Variants in ULK4 observed in about 807,000 individuals in gnomAD.
ULK4 encodes unc-51 like kinase 4.
A neutral mutation model predicts 160.6 loss-of-function variants in ULK4; 133 were observed. The observed-to-expected ratio is 0.83, with a 90% CI of 0.72 to 0.96. The LOEUF is 0.96. ULK4 is among the 40% of genes least tolerant of loss of function. The pLI is 0.00. For missense variants in ULK4, 1,580 were observed against 1,499.5 expected (o/e 1.05, Z -0.89); for synonymous variants, 534 against 539.8 (o/e 0.99, Z 0.15).
At chr3:41,871,857 T>A (rs1697106503) in intron 17 of ULK4, among the ~76,000 whole-genome samples, 1 of 152,220 alleles carries the variant, frequency 6.6e-6, no homozygotes. Flanking sequence ...TTATTAACTT[T>A]TTTTCTTTTA....
At chr3:41,940,720 T>C (rs1338205571) in intron 2 of ULK4, among the ~76,000 whole-genome samples, 1 of 152,064 alleles carries the variant, frequency 6.6e-6, no homozygotes, top group Non-Finnish European at 1.5e-5. Flanking sequence ...AAAAATAAAA[T>C]AAAGATACCC....
intron 31 of ULK4, among the ~76,000 whole-genome samples, chr3:41,589,490 A>G (rs2031118015): frequency 6.6e-6 from 1 of 151,978 alleles, no homozygotes; most frequent in South Asian, 2.1e-4. Flanking sequence ...TAAGAGAAAC[A>G]ATTCCCAGAG....
intron 22 of ULK4, among the ~76,000 whole-genome samples, chr3:41,735,848 C>G (rs1275666314): frequency 2.2e-4 from 23 of 106,320 alleles, no homozygotes; most frequent in Non-Finnish European, 3.6e-4. Context: ...CCCCTCCCCC[C>G]ACCCCACAAC....
At position 41,779,908 on chromosome 3, in the gene ULK4, C is replaced by T. The variant is rs554820693; in HGVS notation, c.2193+9753G>A. Among the ~76,000 whole-genome samples the T allele has an allele frequency of 3.0e-4, 26 of 86,418 alleles. No homozygotes were observed. The South Asian group carries it at 8.1e-3, about 27-fold the overall frequency. The allele number at this position is 86,418 out of a possible 152,430, so 56.7% of individuals were successfully genotyped here. ...CTAGATGACACATTAGTGGGTGCAG[C>T]GCACCAGCATGGCACATGTATACAT... On this transcript the variant is annotated intron_variant, in intron 21 of 36. Transcript: ENST00000301831.
intron 30 of ULK4, among the ~76,000 whole-genome samples, chr3:41,646,612 G>A (rs2034505129): frequency 6.6e-6 from 1 of 152,108 alleles, no homozygotes; most frequent in Non-Finnish European, 1.5e-5. Context: ...CTTTCTCTAT[G>A]GCTGCCCTTA....
chr3:41,649,827 G>C (rs1489133073), intron 30 of ULK4, among the ~76,000 whole-genome samples: 2 of 152,228 alleles, frequency 1.3e-5, no homozygotes, highest in Non-Finnish European at 2.9e-5. Flanking sequence ...TCAAGCCAGG[G>C]ATAGCCTGAA....
chr3:41,337,604 T>C (rs948937554), intron 35 of ULK4, among the ~76,000 whole-genome samples: 1 of 152,172 alleles, frequency 6.6e-6, no homozygotes, highest in Non-Finnish European at 1.5e-5. Context: ...TATAGAATTC[T>C]AAGGTCCTGG....
intron 4 of ULK4, among the ~76,000 whole-genome samples, chr3:41,933,696 AT>A (rs11288284): frequency 0.047 from 6,999 of 150,228 alleles, 488 homozygotes; most frequent in African/African-American, 0.16. Context: ...AGAGTGTTGG[AT>A]TTTTTTTTTA....
intron 35 of ULK4, among the ~76,000 whole-genome samples, chr3:41,269,990 G>C (rs900239566): frequency 7.9e-5 from 12 of 152,030 alleles, no homozygotes; most frequent in African/African-American, 2.9e-4. Context: ...AAAGTAGACT[G>C]TTTTCTATAT....
At chr3:41,680,227 G>A (rs1205709521) in intron 29 of ULK4, among the ~76,000 whole-genome samples, 1 of 152,098 alleles carries the variant, frequency 6.6e-6, no homozygotes, top group Non-Finnish European at 1.5e-5. Flanking sequence ...TAACTGAAAA[G>A]GTACCTACTG....
At chr3:41,743,067 T>C (rs1409718658) in intron 22 of ULK4, among the ~76,000 whole-genome samples, 4 of 151,772 alleles carry the variant, frequency 2.6e-5, no homozygotes, top group African/African-American at 9.7e-5. Context: ...AAAGAAATCA[T>C]GCCCAAAAAA....
chr3:41,942,064 C>A (rs1445369973), intron 2 of ULK4, among the ~76,000 whole-genome samples: 2 of 152,132 alleles, frequency 1.3e-5, no homozygotes, highest in Non-Finnish European at 2.9e-5. Context: ...CACCTATCCA[C>A]GGTTACTCCA....
intron 34 of ULK4, among the ~76,000 whole-genome samples, chr3:41,407,212 GAACAACAAC>G (rs920753207): frequency 6.6e-6 from 1 of 151,876 alleles, no homozygotes; most frequent in Non-Finnish European, 1.5e-5. Context: ...TCCTACAAAA[GAACAACAAC>G]AACAACAACA....
At chr3:41,599,565 CTT>C (rs200055034) in intron 31 of ULK4, among the ~76,000 whole-genome samples, 15 of 130,734 alleles carry the variant, frequency 1.1e-4, no homozygotes, top group Admixed American at 7.9e-5. Flanking sequence ...TTTTCTTTTT[CTT>C]TTTTTTTTTT....
chr3:41,892,257 AAAG>A (rs1697994665), intron 16 of ULK4, among the ~76,000 whole-genome samples: 1 of 152,236 alleles, frequency 6.6e-6, no homozygotes, highest in East Asian at 1.9e-4. Flanking sequence ...ATCTTTCTCC[AAAG>A]AAGATATACA....
intron 35 of ULK4, among the ~76,000 whole-genome samples, chr3:41,270,872 A>T (rs2079126958): frequency 1.3e-5 from 2 of 152,350 alleles, no homozygotes; most frequent in South Asian, 4.1e-4. Context: ...TTCACCAGCA[A>T]AAATTATTAC....
At chr3:41,386,838 G>A (rs945753788) in intron 35 of ULK4, among the ~76,000 whole-genome samples, 1 of 152,138 alleles carries the variant, frequency 6.6e-6, no homozygotes, top group Admixed American at 6.6e-5. Flanking sequence ...TCTTAAGAAA[G>A]CTTTCTCTGT....
intron 27 of ULK4, among the ~76,000 whole-genome samples, chr3:41,704,078 G>C (rs1484258568): frequency 6.6e-6 from 1 of 152,122 alleles, no homozygotes; most frequent in Non-Finnish European, 1.5e-5. Flanking sequence ...CACAACTCAT[G>C]ATTGACTGCT....
chr3:41,306,672 C>T (rs1349516856), intron 35 of ULK4, among the ~76,000 whole-genome samples: 4 of 152,058 alleles, frequency 2.6e-5, no homozygotes, highest in Non-Finnish European at 5.9e-5. Flanking sequence ...GAGAACGGGC[C>T]ATGATGACAA....
Sources: allele counts gnomAD v4.1 joint callset (sites outside exome capture counted in the v4.1 genomes callset), GRCh38; gene constraint gnomAD v4.1.1; transcripts MANE v1.5; gene names NCBI Gene and HGNC (gene_info 2026-07-23, HGNC 2026-07-21).